Variants in ACOX3 observed in about 807,000 individuals in gnomAD.
ACOX3 encodes the protein acyl-CoA oxidase 3, pristanoyl.
Under a neutral mutation model 81.5 loss-of-function variants are expected in ACOX3, and 73 were observed. That is an observed-to-expected ratio of 0.90 (90% CI 0.74 to 1.09). ACOX3 has a LOEUF of 1.09. Ranked by LOEUF, ACOX3 falls within the 50% of genes least tolerant of loss-of-function variation. The probability of loss-of-function intolerance (pLI) is 0.00; values close to 1 mark genes in which losing one functional copy is unlikely to be tolerated. For missense variants in ACOX3, 947 were observed against 928.0 expected, an observed-to-expected ratio of 1.02 and a Z score of -0.27; for synonymous variants, 387 against 375.1, an observed-to-expected ratio of 1.03 and a Z score of -0.37.
At chr4:8,427,892 GTGA>G (rs1018325526) in intron 1 of ACOX3, among the ~76,000 whole-genome samples, 3 of 152,110 alleles carry the variant, frequency 2.0e-5, no homozygotes, top group African/African-American at 7.2e-5. Flanking sequence ...TCCAAATATG[GTGA>G]TGTCTGCCTA....
At chr4:8,361,875 T>C (rs1253172025), downstream of ACOX3, among the ~76,000 whole-genome samples, 1 of 152,196 alleles carries the variant, frequency 6.6e-6, no homozygotes, top group African/African-American at 2.4e-5. Context: ...TTGGTTTTCT[T>C]TGGGCTGTTA....
In ACOX3 at chr4:8,392,388, G is replaced by C. The variant is rs1719101486; in HGVS notation, c.1245C>G (p.Thr415=). The part of the protein sequence containing the change: ...SASKPLASWT[T]QQGIQECREA... ...CCCGGCATTCCTGAATTCCTTGCTGGGTGGTCCACGAGGCCAGGGGCTTGC... is the reference window on the plus strand; with the variant it reads ...CCCGGCATTCCTGAATTCCTTGCTGCGTGGTCCACGAGGCCAGGGGCTTGC... Residue 415 remains threonine (T), a synonymous_variant, in exon 11 of 18, where the codon ACC becomes ACG. Transcript: ENST00000356406. 6.2e-7 allele frequency: 1 copy of C among 1,609,114 alleles called. No homozygotes were observed. The highest frequency in any genetic ancestry group is 1.1e-5 in the South Asian group (1 of 90,416).
intron 6 of ACOX3, among the ~76,000 whole-genome samples, chr4:8,409,060 A>G (rs1347598388): frequency 6.6e-6 from 1 of 152,242 alleles, no homozygotes; most frequent in East Asian, 1.9e-4. Flanking sequence ...TGATGGCTGC[A>G]TGACAGTAGG....
chr4:8,413,240 C>T (rs1228743377), intron 5 of ACOX3, among the ~76,000 whole-genome samples: 42 of 129,458 alleles, frequency 3.2e-4, no homozygotes, highest in South Asian at 8.1e-4. Context: ...ATCTGTGGCC[C>T]ATCTCCCTCC....
At chr4:8,393,172 T>C (rs1719220282) in intron 10 of ACOX3, 1 of 151,098 alleles carries the variant, frequency 6.6e-6, no homozygotes, top group Non-Finnish European at 1.5e-5. Context: ...TTGCTTCTGC[T>C]TGATATCTAA....
Position 8,370,209 on chromosome 4 carries a change from G to A in ACOX3, c.1983+699C>T, listed in dbSNP as rs1715997503. Among the ~76,000 whole-genome samples, 1 of 152,224 alleles carries A rather than the reference G, an allele frequency of 6.6e-6. No homozygotes were observed. Among genetic ancestry groups the A allele is most frequent in the Non-Finnish European group, 1.5e-5 (1 of 68,036 alleles). On this transcript the variant is annotated intron_variant, in intron 17 of 17. Coordinates refer to ENST00000356406, the MANE Select transcript of ACOX3 (RefSeq NM_003501.3). This position sits in a 1 kb window ranked among gnomAD's most constrained non-coding sequence, Gnocchi z 6.3. ...CCTGGGGTGGGCATGGGCCTGGCGC[G>A]ACAGACGGGGAGGCCAGTAAGGCTA...
At chr4:8,364,385 C>T (rs1715298428), downstream of ACOX3, among the ~76,000 whole-genome samples, 1 of 152,236 alleles carries the variant, frequency 6.6e-6, no homozygotes, top group South Asian at 2.1e-4. This position sits in a 1 kb window ranked among gnomAD's most constrained non-coding sequence, Gnocchi z 5.0. Context: ...GTAAAGTGTG[C>T]CAGCTCCCAC....
Position 8,389,562 on chromosome 4 carries a change from CT to C in ACOX3, c.1423+49del. ...TCAGTGAGGCCAGGAGAACCCACCCCTGCCCCAGTTGGGTTCCAGCGCCCCC... is the reference window on the plus strand; with the variant it reads ...TCAGTGAGGCCAGGAGAACCCACCCCGCCCCAGTTGGGTTCCAGCGCCCCC... On this transcript the variant is annotated intron_variant, in intron 12 of 17. Transcript: ENST00000356406. The surrounding 1 kb of genome is among the most constrained non-coding windows in gnomAD (Gnocchi z 5.3). 1 of 1,611,016 alleles carries C rather than the reference CT, an allele frequency of 6.2e-7. No homozygotes were observed.
chr4:8,375,042 C>T lies in ACOX3; in HGVS notation c.1764G>A (p.Leu588=), dbSNP rs1336985664. The T allele has an allele frequency of 3.2e-6, 5 of 1,555,000 alleles. No individual in the cohort carries two copies. Among genetic ancestry groups the T allele is most frequent in the Non-Finnish European group, 4.4e-6 (5 of 1,149,102 alleles). Reference sequence around the variant, plus strand: ...GGGCGTACAGAGCACTGAGCCGCCCCAGCACGGCCCGCAGCGAGGGCGGCA... The same window carrying T: ...GGGCGTACAGAGCACTGAGCCGCCCTAGCACGGCCCGCAGCGAGGGCGGCA... ...PSVPPSLRAV[L]GRLSALYALW... is the part of the protein sequence containing the mutation. Residue 588 remains leucine, a synonymous_variant, in exon 15 of 18, where the codon CTG becomes CTA. Coordinates refer to ENST00000356406, the MANE Select transcript of ACOX3 (RefSeq NM_003501.3).
Position 8,416,581 on chromosome 4 carries a change from T to A in ACOX3, c.-14-46A>T. On this transcript the variant is annotated intron_variant, in intron 1 of 17. Coordinates refer to ENST00000356406, the MANE Select transcript of ACOX3 (RefSeq NM_003501.3). The surrounding 1 kb of genome is among the most constrained non-coding windows in gnomAD (Gnocchi z 4.2). Reference sequence around the variant, plus strand: ...GAATCCATGCTCTCCCATCTATGGGTTCAAACTACCCCCACCAACAGGAGA... The same window carrying A: ...GAATCCATGCTCTCCCATCTATGGGATCAAACTACCCCCACCAACAGGAGA... 1 of 1,511,360 alleles carries A rather than the reference T, an allele frequency of 6.6e-7. No individual in the cohort carries two copies. Among genetic ancestry groups the A allele is most frequent in the Non-Finnish European group, 8.8e-7 (1 of 1,131,440 alleles). The allele number at this position is 1,511,360 out of a possible 1,614,324, so 93.6% of individuals were successfully genotyped here.
Position 8,405,480 on chromosome 4 carries a change from G to A in ACOX3, c.776+475C>T, listed in dbSNP as rs899514104. ...ATATGTGGGCTGATTAAACAAATAAGCCAGCGGAATTCTCTTTCTAAGTGC... is the reference window on the plus strand; with the variant it reads ...ATATGTGGGCTGATTAAACAAATAAACCAGCGGAATTCTCTTTCTAAGTGC... On this transcript the variant is annotated intron_variant, in intron 7 of 17. Coordinates refer to ENST00000356406, the MANE Select transcript of ACOX3 (RefSeq NM_003501.3). This position sits in a 1 kb window ranked among gnomAD's most constrained non-coding sequence, Gnocchi z 7.1. Among the ~76,000 whole-genome samples the A allele has an allele frequency of 1.3e-5, 2 of 152,226 alleles. No homozygotes were observed. The highest frequency in any genetic ancestry group is 2.4e-5 in the African/African-American group (1 of 41,466).
Position 8,381,417 on chromosome 4 carries a change from A to T in ACOX3, c.1653+75T>A. The T allele has an allele frequency of 7.1e-7, 1 of 1,402,330 alleles. No individual in the cohort carries two copies. The highest frequency in any genetic ancestry group is 9.9e-7 in the Non-Finnish European group (1 of 1,007,454). 86.9% of individuals were successfully genotyped at this position (1,402,330 alleles called of 1,614,324 possible). On this transcript the variant is annotated intron_variant, in intron 14 of 17. Coordinates refer to ENST00000356406, the MANE Select transcript of ACOX3 (RefSeq NM_003501.3). The surrounding 1 kb of genome is among the most constrained non-coding windows in gnomAD (Gnocchi z 4.3). ...TGGGGCCTGAATTGCCAGGATGTTC[A>T]AACTCCCAGGGACACAACGGCCAGG... is the stretch of plus-strand genomic sequence containing the variant.
chr4:8,415,352 C>T (rs531128328), intron 3 of ACOX3, among the ~76,000 whole-genome samples: 20 of 152,136 alleles, frequency 1.3e-4, no homozygotes, highest in African/African-American at 4.8e-4. Context: ...CTCAGCTCTG[C>T]TGGTATGTTA....
intron 13 of ACOX3, among the ~76,000 whole-genome samples, chr4:8,388,154 G>A (rs895203339): frequency 6.6e-6 from 1 of 151,912 alleles, no homozygotes; most frequent in Non-Finnish European, 1.5e-5. Flanking sequence ...GGGTCCCCAT[G>A]GCTGCCCCCG....
downstream of ACOX3, among the ~76,000 whole-genome samples, chr4:8,366,096 C>T (rs1353433853): frequency 2.6e-5 from 4 of 152,182 alleles, no homozygotes; most frequent in African/African-American, 9.7e-5. Context: ...AGAACTGCTC[C>T]GGGAACCTAA....
rs1419342124 is a variant in ACOX3 at position 8,399,829 on chromosome 4, G to C, written c.777-177C>G. ...CAAAAAAGTAGTCTAGTCAGGAACA[G>C]TGGCTCACGCCCAGAATCCCAACTC... On this transcript the variant is annotated intron_variant, in intron 7 of 17. Coordinates refer to ENST00000356406, the MANE Select transcript of ACOX3 (RefSeq NM_003501.3). This position sits in a 1 kb window ranked among gnomAD's most constrained non-coding sequence, Gnocchi z 4.9. 6.6e-6 allele frequency among the ~76,000 whole-genome samples: 1 copy of C among 152,240 alleles called. No individual in the cohort carries two copies. Among genetic ancestry groups the C allele is most frequent in the Non-Finnish European group, 1.5e-5 (1 of 68,044 alleles).
At chr4:8,390,456 T>C (rs1560179020) in intron 11 of ACOX3, among the ~76,000 whole-genome samples, 2 of 152,308 alleles carry the variant, frequency 1.3e-5, no homozygotes, top group South Asian at 4.1e-4. Flanking sequence ...GAGCCTCCCC[T>C]GGCATGGGGT....
chr4:8,408,921 C>T (rs1238005717), intron 6 of ACOX3, among the ~76,000 whole-genome samples: 11 of 88,036 alleles, frequency 1.2e-4, no homozygotes, highest in South Asian at 4.4e-4. Flanking sequence ...GGGGTGGGGG[C>T]GGTCTGAGGC....
downstream of ACOX3, among the ~76,000 whole-genome samples, chr4:8,365,115 G>A (rs1715337732): frequency 6.6e-6 from 1 of 152,230 alleles, no homozygotes; most frequent in Non-Finnish European, 1.5e-5. Context: ...AGCCCACGCA[G>A]GCCCAACTGC....
Sources: gnomAD v4.1 joint callset for allele counts (sites outside exome capture counted in the v4.1 genomes callset) on GRCh38, gnomAD v4.1.1 for gene constraint, Gnocchi (gnomAD v3.1) non-coding constraint, MANE v1.5 for transcripts, NCBI Gene and HGNC (gene_info 2026-07-23, HGNC 2026-07-21) for gene names.